CLVS1: variants seen among roughly 807,000 people sequenced by gnomAD.
CLVS1 encodes the protein clavesin-1.
In CLVS1, 10 loss-of-function variants were observed where a neutral mutation model predicts 33.1. The ratio of observed to expected loss-of-function variants is 0.30; its 90% confidence interval spans 0.19 to 0.51. CLVS1 has a LOEUF of 0.51. Ranked by LOEUF, CLVS1 falls within the 20% of genes least tolerant of loss-of-function variation. CLVS1 has a pLI of 0.97. For synonymous variants in CLVS1, 163 were observed against 166.1 expected, an observed-to-expected ratio of 0.98 and a Z score of 0.14; for missense variants, 343 against 433.4, an observed-to-expected ratio of 0.79 and a Z score of 1.85.
At chr8:61,086,352 GT>G (rs1329736157) in intron 1 of CLVS1, among the ~76,000 whole-genome samples, 1 of 152,228 alleles carries the variant, frequency 6.6e-6, no homozygotes, top group East Asian at 1.9e-4. Context: ...TTAGACTAAG[GT>G]TGCCAGATTT....
chr8:60,977,447 A>G, the CLVS1 span, among the ~76,000 whole-genome samples: 2 of 152,244 alleles, frequency 1.3e-5, no homozygotes, highest in Non-Finnish European at 2.9e-5. Flanking sequence ...GGAACAAAGG[A>G]AATCAGAAAA....
chr8:61,094,052 A>G (rs1160359501), intron 1 of CLVS1, among the ~76,000 whole-genome samples: 1 of 152,224 alleles, frequency 6.6e-6, no homozygotes, highest in Non-Finnish European at 1.5e-5. Context: ...CACTGTGCAC[A>G]GCCAGGCGCT....
chr8:61,318,023 TAG>T (rs1811070687), intron 2 of CLVS1, among the ~76,000 whole-genome samples: 1 of 152,226 alleles, frequency 6.6e-6, no homozygotes, highest in East Asian at 1.9e-4. Context: ...TAAGGGACTG[TAG>T]CTAGTAAACT....
chr8:61,021,251 A>C, the CLVS1 span, among the ~76,000 whole-genome samples: 1 of 152,162 alleles, frequency 6.6e-6, no homozygotes, highest in African/African-American at 2.4e-5. Context: ...TCTTTTCATG[A>C]GATTCGGTGG....
intron 2 of CLVS1, among the ~76,000 whole-genome samples, chr8:61,208,548 G>T (rs1007927351): frequency 2.6e-5 from 4 of 152,028 alleles, no homozygotes; most frequent in African/African-American, 9.7e-5. Context: ...GAACATATCT[G>T]CTGGATAAGA....
At chr8:61,293,793 A>G (rs932086767) in intron 1 of CLVS1, among the ~76,000 whole-genome samples, 1 of 152,192 alleles carries the variant, frequency 6.6e-6, no homozygotes, top group East Asian at 1.9e-4. Context: ...TTAGTTGGTT[A>G]GACTTTCTGT....
At chr8:61,163,358 C>T (rs187380375) in intron 2 of CLVS1, among the ~76,000 whole-genome samples, 1 of 152,268 alleles carries the variant, frequency 6.6e-6, no homozygotes, top group Admixed American at 6.5e-5. Context: ...CCTAGTCTTT[C>T]CTTGAAGAGG....
chr8:61,139,560 G>T (rs997889411), intron 2 of CLVS1, among the ~76,000 whole-genome samples: 1 of 152,184 alleles, frequency 6.6e-6, no homozygotes, highest in Non-Finnish European at 1.5e-5. Context: ...CGGAGGCCGG[G>T]GGCGGGGGCT....
chr8:61,198,405 A>C (rs1182743088), intron 2 of CLVS1, among the ~76,000 whole-genome samples: 1 of 152,024 alleles, frequency 6.6e-6, no homozygotes, highest in Non-Finnish European at 1.5e-5. Context: ...TTTGAGAGGG[A>C]GTCTCACTCT....
intron 3 of CLVS1, among the ~76,000 whole-genome samples, chr8:61,441,445 G>T (rs1465623254): frequency 1.3e-5 from 2 of 152,084 alleles, no homozygotes. Context: ...ACTTGGAGGG[G>T]TCTCATTTTA....
chr8:61,294,649 T>C (rs1250977628), intron 1 of CLVS1, among the ~76,000 whole-genome samples: 2 of 152,212 alleles, frequency 1.3e-5, no homozygotes, highest in Non-Finnish European at 2.9e-5. Context: ...ATAATTGATA[T>C]AAAATGCTTT....
intron 2 of CLVS1, among the ~76,000 whole-genome samples, chr8:61,230,313 A>AC (rs1808406621): frequency 6.6e-6 from 1 of 151,796 alleles, no homozygotes; most frequent in African/African-American, 2.4e-5. Flanking sequence ...GGTTGATCTC[A>AC]CAGACCTTGG....
upstream of CLVS1, among the ~76,000 whole-genome samples, chr8:61,053,597 A>T (rs932704184): frequency 2.6e-5 from 4 of 152,232 alleles, no homozygotes; most frequent in Admixed American, 2.6e-4. Context: ...AGAGATGAGC[A>T]TGTGGCCCAG....
intron 3 of CLVS1, among the ~76,000 whole-genome samples, chr8:61,415,719 T>A (rs1347498481): frequency 6.6e-6 from 1 of 152,124 alleles, no homozygotes; most frequent in African/African-American, 2.4e-5. Context: ...ATGCACAATG[T>A]TTCCAATGAC....
intron 5 of CLVS1, among the ~76,000 whole-genome samples, chr8:61,481,950 T>C (rs1248546639): frequency 1.3e-5 from 2 of 152,164 alleles, no homozygotes; most frequent in African/African-American, 4.8e-5. Context: ...CATCTCCCAG[T>C]AGGGGCCGAC....
intron 2 of CLVS1, among the ~76,000 whole-genome samples, chr8:61,329,228 T>TCA (rs1307462821): frequency 7.9e-5 from 12 of 151,894 alleles, no homozygotes; most frequent in East Asian, 1.9e-4. Context: ...TCTCTCTCTC[T>TCA]CATCTCCTTG....
chr8:61,425,742 A>T (rs1815865510), intron 3 of CLVS1, among the ~76,000 whole-genome samples: 2 of 152,274 alleles, frequency 1.3e-5, no homozygotes, highest in South Asian at 4.2e-4. Flanking sequence ...CTCCTATGCC[A>T]CTCACTTACT....
At chr8:61,260,023 A>T (rs1809166942) in intron 2 of CLVS1, among the ~76,000 whole-genome samples, 1 of 152,202 alleles carries the variant, frequency 6.6e-6, no homozygotes, top group South Asian at 2.1e-4. Context: ...TCTGCCTAGA[A>T]TGCATAACCC....
chr8:61,300,145 C>T lies in CLVS1; in HGVS notation c.318C>T (p.Asp106=), dbSNP rs1419184582. The T allele has an allele frequency of 6.2e-7, 1 of 1,613,992 alleles. No individual in the cohort carries two copies. Among genetic ancestry groups the T allele is most frequent in the Non-Finnish European group, 8.5e-7 (1 of 1,179,972 alleles). The stretch of plus-strand genomic sequence containing the variant: ...TCCAGTACCGCCAGCTAAACCTGGA[C>T]ATGTTCAAAAACTTCAAGGCAGATG... ...QYFQYRQLNL[D]MFKNFKADDP... Residue 106 remains aspartate, a synonymous_variant, in exon 2 of 6, where the codon GAC becomes GAT. Transcript: ENST00000325897.
Sources: allele counts gnomAD v4.1 joint callset (sites outside exome capture counted in the v4.1 genomes callset), GRCh38; gene constraint gnomAD v4.1.1; transcripts MANE v1.5; gene names NCBI Gene and HGNC (gene_info 2026-07-23, HGNC 2026-07-21).